GTPBP10: variants seen among roughly 807,000 people sequenced by gnomAD.
GTPBP10 encodes GTP-binding protein 10.
A neutral mutation model predicts 44.8 loss-of-function variants in GTPBP10; 38 were observed. The ratio of observed to expected loss-of-function variants is 0.85; its 90% CI spans 0.65 to 1.11. The LOEUF is 1.11. Ranked by LOEUF, GTPBP10 falls within the 50% of genes most tolerant of loss-of-function variation. The pLI, the probability that GTPBP10 is intolerant of heterozygous loss-of-function variation, is 0.00. For synonymous variants in GTPBP10, 152 were observed against 150.6 expected (o/e 1.01, Z -0.07); for missense variants, 462 against 453.7 (o/e 1.02, Z -0.17).
chr7:90,354,492 T>G lies in GTPBP10; in HGVS notation c.262T>G (p.Cys88Gly), dbSNP rs1795855400. Reference sequence around the variant, plus strand: ...ACTGAAAGGCTCCAAAGGAAAAGACTGTGAAATCCCTGTGCCTGTGGGTAT... The same window carrying G: ...ACTGAAAGGCTCCAAAGGAAAAGACGGTGAAATCCCTGTGCCTGTGGGTAT... The part of the protein sequence containing the change: ...SALKGSKGKD[C>G]EIPVPVGISV... Residue 88 changes from cysteine to glycine, a missense_variant, in exon 3 of 10, where the codon TGT (cysteine) becomes GGT (glycine). Coordinates refer to ENST00000222511, the MANE Select transcript of GTPBP10 (RefSeq NM_033107.4). 6.3e-7 allele frequency: 1 copy of G among 1,593,056 alleles called. No individual in the cohort carries two copies. Among genetic ancestry groups the G allele is most frequent in the East Asian group, 2.3e-5 (1 of 43,904 alleles).
Position 90,377,549 on chromosome 7 carries a change from A to G in GTPBP10, c.634A>G (p.Met212Val). The G allele has an allele frequency of 3.1e-6, 5 of 1,611,726 alleles. No homozygotes were observed. The highest frequency in any genetic ancestry group is 4.2e-6 in the Non-Finnish European group (5 of 1,178,750). The change falls in exon 7 of 10, where the codon ATG (methionine) becomes GTG (valine). Residue 212 changes from methionine to valine, a missense_variant. Coordinates refer to ENST00000222511, the MANE Select transcript of GTPBP10 (RefSeq NM_033107.4). ...TCCGGGTTTAATAGAAGGAGCACAT[A>G]TGAACAAAGGAATGGGCCACAAATT... ...DLPGLIEGAH[M>V]NKGMGHKFLK...
intron 2 of GTPBP10, 64 bp from the exon 3 acceptor site, chr7:90,354,394 G>A: frequency 1.5e-6 from 1 of 672,744 alleles, no homozygotes; most frequent in Non-Finnish European, 2.4e-6. Context: ...CATTTTGTGT[G>A]TATGTGTGTG....
chr7:90,363,024 G>T (rs1392294602), intron 4 of GTPBP10, among the ~76,000 whole-genome samples: 1 of 151,990 alleles, frequency 6.6e-6, no homozygotes, highest in Non-Finnish European at 1.5e-5. Context: ...GAGCCTATGT[G>T]TGTCTCTGCA....
chr7:90,364,154 C>G (rs931342332), intron 4 of GTPBP10, among the ~76,000 whole-genome samples: 1 of 152,204 alleles, frequency 6.6e-6, no homozygotes, highest in Middle Eastern at 3.2e-3. Context: ...CATTCTCTGT[C>G]CAGCTTTGTT....
At chr7:90,379,895 C>A (rs1469142553) in intron 8 of GTPBP10, among the ~76,000 whole-genome samples, 1 of 151,958 alleles carries the variant, frequency 6.6e-6, no homozygotes, top group Non-Finnish European at 1.5e-5. Flanking sequence ...TGTTATAGTT[C>A]TTATTTGCAT....
chr7:90,368,326 C>T (rs1183190615), intron 4 of GTPBP10, among the ~76,000 whole-genome samples: 8 of 152,108 alleles, frequency 5.3e-5, no homozygotes, highest in South Asian at 4.1e-4. Context: ...GAATGTTGGC[C>T]GTCTTTGCTA....
At chr7:90,372,283 A>G in intron 5 of GTPBP10, 55 bp downstream of exon 5, 3 of 1,150,790 alleles carry the variant, frequency 2.6e-6, no homozygotes, top group South Asian at 2.7e-5. Context: ...TTTAAAGACT[A>G]ATATTTCTCT....
chr7:90,382,985 G>C lies in GTPBP10; in HGVS notation c.807G>C (p.Gln269His), dbSNP rs1291491179. Reference protein sequence around the residue: ...KELELYKEELQTKPALLAVNK... With the variant: ...KELELYKEELHTKPALLAVNK... ...TGGAATTGTACAAAGAGGAACTTCAGACAAAACCTGCACTCTTGGCAGTTA... is the reference window on the plus strand; with the variant it reads ...TGGAATTGTACAAAGAGGAACTTCACACAAAACCTGCACTCTTGGCAGTTA... The change falls in exon 9 of 10, where the codon CAG (glutamine) becomes CAC (histidine). Residue 269 changes from glutamine to histidine, a missense_variant. Physicochemically the swap from Gln to His is conservative, Grantham distance 24 (BLOSUM62 0). Coordinates refer to ENST00000222511, the MANE Select transcript of GTPBP10 (RefSeq NM_033107.4). 1 of 1,587,178 alleles carries C rather than the reference G, an allele frequency of 6.3e-7. No homozygotes were observed. The highest frequency in any genetic ancestry group is 1.2e-5 in the South Asian group (1 of 85,482).
At chr7:90,383,156 A>C (rs1425620021) in intron 9 of GTPBP10, 77 bp downstream of exon 9, 1 of 1,079,046 alleles carries the variant, frequency 9.3e-7, no homozygotes, top group Non-Finnish European at 1.2e-6. Flanking sequence ...AATCAGTGGA[A>C]AACTGACAGT....
At chr7:90,362,142 C>T (rs1796036314) in intron 4 of GTPBP10, among the ~76,000 whole-genome samples, 1 of 151,840 alleles carries the variant, frequency 6.6e-6, no homozygotes, top group African/African-American at 2.4e-5. Flanking sequence ...TTCATTTCTG[C>T]TCTGATCTTA....
In GTPBP10 at chr7:90,355,348, T is replaced by C. The variant is rs973817774; in HGVS notation, c.464+118T>C. On this transcript the variant is annotated intron_variant, in intron 4 of 9. Transcript: ENST00000222511. ...TTTCTAATTTATGGAATTTGTGTGTTGTGTATGTACTTGGAAAATATGCTG... is the reference window on the plus strand; with the variant it reads ...TTTCTAATTTATGGAATTTGTGTGTCGTGTATGTACTTGGAAAATATGCTG... The C allele has an allele frequency of 3.3e-5, 22 of 671,298 alleles. No homozygotes were observed. The African/African-American group carries it at 3.7e-4, about 11-fold the overall frequency. 41.6% of individuals were successfully genotyped at this position (671,298 alleles called of 1,614,324 possible).
chr7:90,357,224 A>T (rs1562954610), intron 4 of GTPBP10, among the ~76,000 whole-genome samples: 2 of 152,178 alleles, frequency 1.3e-5, no homozygotes, highest in African/African-American at 4.8e-5. Flanking sequence ...TCTGTTATTC[A>T]GTCATTAGCA....
intron 4 of GTPBP10, among the ~76,000 whole-genome samples, chr7:90,370,369 T>TAC (rs1400365309): frequency 1.3e-5 from 2 of 151,754 alleles, no homozygotes; most frequent in Non-Finnish European, 2.9e-5. Context: ...TATCTATATA[T>TAC]ACACACACAC....
intron 4 of GTPBP10, among the ~76,000 whole-genome samples, chr7:90,362,619 G>T (rs991630972): frequency 6.6e-6 from 1 of 152,112 alleles, no homozygotes; most frequent in Non-Finnish European, 1.5e-5. Context: ...GTTGATTTGG[G>T]GTGGAGAGTT....
At chr7:90,352,792 T>C (rs370519237) in intron 1 of GTPBP10, 24 bp from the exon 2 acceptor site, 7 of 1,560,498 alleles carry the variant, frequency 4.5e-6, no homozygotes, top group Non-Finnish European at 1.7e-6. Flanking sequence ...GGTATACAAA[T>C]ATTCTTTCTC....
At position 90,352,914 on chromosome 7, in the gene GTPBP10, T is replaced by C. The variant is rs1281833843; in HGVS notation, c.132T>C (p.Asp44=). Residue 44 remains aspartate, a synonymous_variant, in exon 2 of 10, where the codon GAT becomes GAC. Coordinates refer to ENST00000222511, the MANE Select transcript of GTPBP10 (RefSeq NM_033107.4). The part of the protein sequence containing the change: ...RLGGEGGKGG[D]VWVVAQNRMT... Reference sequence around the variant, plus strand: ...GTGGAGAAGGTGGAAAAGGTGGTGATGTCTGGGTTGTAGCCCAGAACAGAA... The same window carrying C: ...GTGGAGAAGGTGGAAAAGGTGGTGACGTCTGGGTTGTAGCCCAGAACAGAA... 3 of 1,613,742 alleles carry C rather than the reference T, an allele frequency of 1.9e-6. No individual in the cohort carries two copies. Among genetic ancestry groups the C allele is most frequent in the Admixed American group, 3.3e-5 (2 of 59,996 alleles).
In GTPBP10 at chr7:90,354,475, G is replaced by C. The variant is rs1795854804; in HGVS notation, c.245G>C (p.Gly82Ala). 3.2e-6 allele frequency: 5 copies of C among 1,579,282 alleles called. No homozygotes were observed. The highest frequency in any genetic ancestry group is 1.4e-5 in the African/African-American group (1 of 72,940). ...TTTGGTAGAATTAGTGCACTGAAAG[G>C]CTCCAAAGGAAAAGACTGTGAAATC... ...GANSKISALK[G>A]SKGKDCEIPV... Residue 82 changes from glycine to alanine, a missense_variant, in exon 3 of 10, where the codon GGC becomes GCC. Transcript: ENST00000222511.
At chr7:90,373,438 A>C (rs1313666633) in intron 5 of GTPBP10, among the ~76,000 whole-genome samples, 1 of 152,224 alleles carries the variant, frequency 6.6e-6, no homozygotes, top group African/African-American at 2.4e-5. Context: ...TGCCATCATT[A>C]AAAGGACACA....
chr7:90,351,353 G>A (rs1170439615), intron 1 of GTPBP10, among the ~76,000 whole-genome samples: 2 of 152,200 alleles, frequency 1.3e-5, no homozygotes, highest in African/African-American at 2.4e-5. Context: ...GCCAAGGCAA[G>A]AGGATTGTTT....
Sources: gnomAD v4.1 joint callset for allele counts (sites outside exome capture counted in the v4.1 genomes callset) on GRCh38, gnomAD v4.1.1 for gene constraint, MANE v1.5 for transcripts, NCBI Gene and HGNC (gene_info 2026-07-23, HGNC 2026-07-21) for gene names.